The following GRIK2 variants were observed in gnomAD, a reference collection of about 807,000 sequenced individuals.
GRIK2 encodes the protein glutamate receptor ionotropic, kainate 2.
In GRIK2, 32 loss-of-function variants were observed where a neutral mutation model predicts 100.3. That is an observed-to-expected ratio of 0.32 (90% CI 0.24 to 0.43). The LOEUF is 0.43. Ranked by LOEUF, GRIK2 falls within the 20% of genes least tolerant of loss-of-function variation. The pLI is 1.00. For synonymous variants in GRIK2, 417 were observed against 389.4 expected, an observed-to-expected ratio of 1.07 and a Z score of -0.83; for missense variants, 843 against 1,114.9, an observed-to-expected ratio of 0.76 and a Z score of 3.47.
chr6:101,590,059 A>G (rs1778568564), intron 2 of GRIK2, among the ~76,000 whole-genome samples: 1 of 152,124 alleles, frequency 6.6e-6, no homozygotes, highest in African/African-American at 2.4e-5. Flanking sequence ...GAATATACTC[A>G]GGATACATTT....
intron 14 of GRIK2, among the ~76,000 whole-genome samples, chr6:101,931,634 G>A (rs967290902): frequency 1.4e-5 from 2 of 140,316 alleles, no homozygotes; most frequent in Non-Finnish European, 3.1e-5. Flanking sequence ...GGTGCTCAAA[G>A]CATATTATCT....
At chr6:101,856,062 G>C (rs936198039) in intron 10 of GRIK2, among the ~76,000 whole-genome samples, 16 of 152,154 alleles carry the variant, frequency 1.1e-4, no homozygotes, top group Admixed American at 9.8e-4. Context: ...CAAGATGAGA[G>C]CAAGTGGTAG....
chr6:101,867,857 A>G (rs977523395), intron 11 of GRIK2, among the ~76,000 whole-genome samples: 11 of 151,540 alleles, frequency 7.3e-5, no homozygotes, highest in Non-Finnish European at 1.5e-4. Flanking sequence ...CTAATTTGCT[A>G]TTAATTGCAA....
At chr6:102,059,163 G>T (rs896620862) in intron 16 of GRIK2, among the ~76,000 whole-genome samples, 6 of 151,066 alleles carry the variant, frequency 4.0e-5, no homozygotes, top group African/African-American at 1.5e-4. Flanking sequence ...AGAAAATAAA[G>T]CTGAAATATG....
chr6:101,707,745 A>T (rs888166670), intron 7 of GRIK2, among the ~76,000 whole-genome samples: 9 of 151,330 alleles, frequency 5.9e-5, no homozygotes, highest in African/African-American at 1.9e-4. Context: ...GAATTAATAG[A>T]TCATAATTTA....
chr6:101,641,218 T>A (rs577839015), intron 4 of GRIK2, among the ~76,000 whole-genome samples: 1 of 152,182 alleles, frequency 6.6e-6, no homozygotes, highest in Admixed American at 6.5e-5. Flanking sequence ...ATAGTTTTAC[T>A]TTTTAACTTT....
At chr6:101,820,327 A>T (rs1781877566) in intron 10 of GRIK2, among the ~76,000 whole-genome samples, 1 of 151,864 alleles carries the variant, frequency 6.6e-6, no homozygotes, top group Non-Finnish European at 1.5e-5. Context: ...TGGGTAGAAA[A>T]CATCTGTAGC....
chr6:101,570,308 C>A (rs1007282723), intron 2 of GRIK2, among the ~76,000 whole-genome samples: 1 of 152,048 alleles, frequency 6.6e-6, no homozygotes, highest in East Asian at 1.9e-4. Flanking sequence ...ATCACTTGAG[C>A]CTTCTGGCAT....
intron 7 of GRIK2, among the ~76,000 whole-genome samples, chr6:101,798,407 A>C (rs1225604896): frequency 6.6e-6 from 1 of 152,094 alleles, no homozygotes; most frequent in African/African-American, 2.4e-5. Flanking sequence ...AGGGTATGTG[A>C]AAATAGTCAG....
rs768368893 is a variant in GRIK2, at chr6:101,401,863, T to C, written c.115+2471T>C. Among the ~76,000 whole-genome samples the C allele has an allele frequency of 2.8e-4, 43 of 152,234 alleles. No homozygotes were observed. In the South Asian group the frequency reaches 3.1e-3, roughly 11 times the overall value. On this transcript the variant is annotated intron_variant, in intron 2 of 16. Transcript: ENST00000369134. ...GTTGCACGTGGCGCAGCTGCCCCAGTGGTGGAGAGACCCGCCGCCTCTGCT... is the reference window on the plus strand; with the variant it reads ...GTTGCACGTGGCGCAGCTGCCCCAGCGGTGGAGAGACCCGCCGCCTCTGCT...
chr6:101,476,105 TTTTTC>T (rs1203235842), intron 2 of GRIK2, among the ~76,000 whole-genome samples: 1 of 152,094 alleles, frequency 6.6e-6, no homozygotes, highest in East Asian at 1.9e-4. Flanking sequence ...TTGTCCCATC[TTTTTC>T]TTTTATTTAT....
At chr6:101,794,501 C>A (rs1034701329) in intron 7 of GRIK2, among the ~76,000 whole-genome samples, 1 of 151,912 alleles carries the variant, frequency 6.6e-6, no homozygotes, top group Non-Finnish European at 1.5e-5. Context: ...TTTTGTATAT[C>A]GTTTGTTCCC....
chr6:101,523,379 A>G (rs372905567), intron 2 of GRIK2, among the ~76,000 whole-genome samples: 2 of 152,176 alleles, frequency 1.3e-5, no homozygotes, highest in African/African-American at 4.8e-5. Flanking sequence ...AGAGATGACC[A>G]TCTCTATCTG....
chr6:101,812,481 A>C (rs1216735388), intron 9 of GRIK2, among the ~76,000 whole-genome samples: 1 of 151,846 alleles, frequency 6.6e-6, no homozygotes, highest in African/African-American at 2.4e-5. Flanking sequence ...TAAAACATTT[A>C]TTTCTGTTCA....
chr6:101,789,344 A>T (rs1055222655), intron 7 of GRIK2, among the ~76,000 whole-genome samples: 1 of 152,194 alleles, frequency 6.6e-6, no homozygotes, highest in Non-Finnish European at 1.5e-5. Flanking sequence ...TTCAGGTCTA[A>T]CATTTAAGTC....
chr6:101,958,781 G>GCAAA (rs2128481625), intron 14 of GRIK2, among the ~76,000 whole-genome samples: 1 of 152,124 alleles, frequency 6.6e-6, no homozygotes, highest in East Asian at 1.9e-4. Flanking sequence ...CTATTGAGAT[G>GCAAA]AGCATATGGT....
intron 7 of GRIK2, among the ~76,000 whole-genome samples, chr6:101,794,300 G>T (rs758600815): frequency 6.6e-6 from 1 of 151,858 alleles, no homozygotes; most frequent in East Asian, 1.9e-4. Context: ...CCTCTTCTGC[G>T]TCGCTCACGC....
intron 4 of GRIK2, among the ~76,000 whole-genome samples, chr6:101,641,018 ACT>A (rs1351367803): frequency 1.3e-5 from 2 of 152,114 alleles, no homozygotes; most frequent in Non-Finnish European, 2.9e-5. Context: ...GAACTTCAAC[ACT>A]GAGTAGCAAT....
intron 10 of GRIK2, among the ~76,000 whole-genome samples, chr6:101,833,277 G>A (rs183391871): frequency 3.2e-4 from 48 of 152,194 alleles, no homozygotes; most frequent in African/African-American, 1.1e-3. Context: ...TGTCGCCCAG[G>A]CTGGAGTGCA....
Sources: allele counts gnomAD v4.1 joint callset (sites outside exome capture counted in the v4.1 genomes callset), GRCh38; gene constraint gnomAD v4.1.1; transcripts MANE v1.5; gene names NCBI Gene and HGNC (gene_info 2026-07-23, HGNC 2026-07-21).